Variants in FUT9 observed in about 807,000 individuals in gnomAD.
The protein encoded by FUT9 is fucosyltransferase 9, also known as 4-galactosyl-N-acetylglucosaminide 3-alpha-L-fucosyltransferase 9.
FUT9 carries 15 observed loss-of-function variants against 29.7 expected under a neutral mutation model. The observed-to-expected ratio is 0.51, with a 90% CI of 0.34 to 0.78. The LOEUF is 0.78. FUT9 is among the 30% of genes least tolerant of loss of function. The pLI is 0.01. For missense variants in FUT9, 319 were observed against 425.4 expected (o/e 0.75, Z 2.20); for synonymous variants, 169 against 153.7 (o/e 1.10, Z -0.74).
chr6:96,171,362 C>T (rs1002972797), intron 2 of FUT9, among the ~76,000 whole-genome samples: 1 of 152,160 alleles, frequency 6.6e-6, no homozygotes, highest in African/African-American at 2.4e-5. Flanking sequence ...AGGCAGTAAG[C>T]AGTTGGCTTG....
intron 2 of FUT9, among the ~76,000 whole-genome samples, chr6:96,114,422 A>G (rs1179924326): frequency 6.6e-6 from 1 of 151,814 alleles, no homozygotes; most frequent in Non-Finnish European, 1.5e-5. Flanking sequence ...AAATTTCTAT[A>G]TTCTTTTGTT....
chr6:96,196,638 G>A (rs929557271), intron 2 of FUT9, among the ~76,000 whole-genome samples: 1 of 152,060 alleles, frequency 6.6e-6, no homozygotes, highest in Non-Finnish European at 1.5e-5. Flanking sequence ...TTTGAACCCG[G>A]AAGGCAGAGG....
intron 2 of FUT9, among the ~76,000 whole-genome samples, chr6:96,186,288 A>G (rs1773404978): frequency 1.3e-5 from 2 of 152,110 alleles, no homozygotes; most frequent in Admixed American, 6.6e-5. Flanking sequence ...AATTAACCAC[A>G]GTGATACATT....
At chr6:96,061,247 C>T (rs1450735111) in intron 1 of FUT9, among the ~76,000 whole-genome samples, 2 of 150,232 alleles carry the variant, frequency 1.3e-5, no homozygotes, top group African/African-American at 2.4e-5. Context: ...TTAACTACAT[C>T]TCCCCTTAAG....
intron 1 of FUT9, among the ~76,000 whole-genome samples, chr6:96,051,652 C>T (rs1770672630): frequency 6.6e-6 from 1 of 151,136 alleles, no homozygotes; most frequent in Non-Finnish European, 1.5e-5. Flanking sequence ...GATCCCATCT[C>T]TAAAAAAAAT....
At position 96,032,763 on chromosome 6, in the gene FUT9, T is replaced by C. The variant is rs1246844154; in HGVS notation, c.-98+16551T>C. Among the ~76,000 whole-genome samples, 3 of 151,608 alleles carry C rather than the reference T, an allele frequency of 2.0e-5. No homozygotes were observed. The Admixed American group carries it at 2.0e-4, about 10-fold the overall frequency. On this transcript the variant is annotated intron_variant, in intron 1 of 2. Coordinates refer to ENST00000302103, the MANE Select transcript of FUT9 (RefSeq NM_006581.4). ...CTGGGAGTCCCTTCATTATTATCTC[T>C]ATCCATGTGGTCTCACAGTGTTTCA...
chr6:96,186,908 C>T (rs925798710), intron 2 of FUT9, among the ~76,000 whole-genome samples: 2 of 152,190 alleles, frequency 1.3e-5, no homozygotes, highest in Admixed American at 6.5e-5. Flanking sequence ...TTACTCAGTC[C>T]GCCAATTTAA....
rs551929264 is a variant in FUT9, at chr6:96,198,498, T to C, written c.-8-4650T>C. ...TTCCATGGTGTATATGTGCCACATT[T>C]TCTTAATCCAGTCTATCATTGTTGG... is the stretch of plus-strand genomic sequence containing the variant. On this transcript the variant is annotated intron_variant, in intron 2 of 2. Transcript: ENST00000302103. 5.9e-3 allele frequency among the ~76,000 whole-genome samples: 900 copies of C among 152,252 alleles called. 6 individuals carry two copies. The highest frequency in any genetic ancestry group is 0.021 in the African/African-American group (868 of 41,542).
chr6:96,140,590 G>A (rs1245173842), intron 2 of FUT9, among the ~76,000 whole-genome samples: 1 of 152,014 alleles, frequency 6.6e-6, no homozygotes, highest in African/African-American at 2.4e-5. Context: ...GTTCCACATG[G>A]CTGGGGAGGC....
intron 2 of FUT9, among the ~76,000 whole-genome samples, chr6:96,148,560 C>A (rs901868399): frequency 1.3e-5 from 2 of 152,118 alleles, no homozygotes; most frequent in African/African-American, 4.8e-5. Flanking sequence ...TTGATACTTT[C>A]ATTGACCCTA....
chr6:96,214,928 C>T lies in FUT9; in HGVS notation c.*10693C>T, dbSNP rs975670153. ...GAAAAATTGACTGTAGCTATTATTC[C>T]AAGTGAAAATCATGCAGCTGAGTCC... On this transcript the variant is annotated 3_prime_UTR_variant, in exon 3 of 3. Transcript: ENST00000302103. The T allele has an allele frequency of 6.0e-6, 1 of 166,774 alleles. No homozygotes were observed. The highest frequency in any genetic ancestry group is 1.5e-5 in the Non-Finnish European group (1 of 68,030). 10.3% of individuals were successfully genotyped at this position (166,774 alleles called of 1,614,324 possible). A position where few individuals can be genotyped will look rare whatever the true frequency, so the allele number is the denominator to read the frequency against.
chr6:96,109,528 G>C (rs1202145960), intron 1 of FUT9, among the ~76,000 whole-genome samples: 1 of 152,076 alleles, frequency 6.6e-6, no homozygotes, highest in Non-Finnish European at 1.5e-5. Context: ...ACTCAACAAT[G>C]ATTCAAAAAT....
intron 2 of FUT9, among the ~76,000 whole-genome samples, chr6:96,181,823 C>G (rs893362066): frequency 5.3e-5 from 8 of 151,924 alleles, no homozygotes; most frequent in Non-Finnish European, 1.2e-4. Flanking sequence ...TTATCCACTC[C>G]TTGATTGATG....
intron 1 of FUT9, among the ~76,000 whole-genome samples, chr6:96,019,293 A>G (rs933964004): frequency 1.3e-5 from 2 of 152,070 alleles, no homozygotes; most frequent in African/African-American, 4.8e-5. Context: ...GATTCAGTCA[A>G]GAGATAACCA....
At chr6:96,059,941 T>C (rs1770843483) in intron 1 of FUT9, among the ~76,000 whole-genome samples, 1 of 152,216 alleles carries the variant, frequency 6.6e-6, no homozygotes, top group Non-Finnish European at 1.5e-5. Context: ...GGTATTTCAG[T>C]ACTTATTTTT....
chr6:96,125,208 T>C (rs1223127693), intron 2 of FUT9, among the ~76,000 whole-genome samples: 2 of 152,226 alleles, frequency 1.3e-5, no homozygotes, highest in Non-Finnish European at 2.9e-5. Context: ...AGCTACATAA[T>C]TGTTAAATCT....
At chr6:96,067,133 T>G (rs1282674147) in intron 1 of FUT9, among the ~76,000 whole-genome samples, 1 of 149,898 alleles carries the variant, frequency 6.7e-6, no homozygotes, top group East Asian at 1.9e-4. Context: ...GATATATATG[T>G]ATACATATAT....
intron 1 of FUT9, among the ~76,000 whole-genome samples, chr6:96,054,916 T>C (rs934736722): frequency 2.0e-5 from 3 of 152,200 alleles, no homozygotes; most frequent in African/African-American, 7.2e-5. Context: ...ATTTTCATTT[T>C]TATCCTTTCT....
intron 1 of FUT9, among the ~76,000 whole-genome samples, chr6:96,084,168 AG>A (rs1316485834): frequency 2.0e-5 from 3 of 152,104 alleles, no homozygotes; most frequent in African/African-American, 7.2e-5. Flanking sequence ...GATAGACTAA[AG>A]TGACTTATCA....
Sources: gnomAD v4.1 joint callset for allele counts (sites outside exome capture counted in the v4.1 genomes callset) on GRCh38, gnomAD v4.1.1 for gene constraint, MANE v1.5 for transcripts, NCBI Gene and HGNC (gene_info 2026-07-23, HGNC 2026-07-21) for gene names.